The following PIK3CD variants were observed in gnomAD, a reference collection of about 807,000 sequenced individuals.
PIK3CD encodes phosphatidylinositol-4,5-bisphosphate 3-kinase catalytic subunit delta.
In PIK3CD, 20 loss-of-function variants were observed where a neutral mutation model predicts 122.9. The observed-to-expected ratio is 0.16, with a 90% CI of 0.11 to 0.24. PIK3CD has a LOEUF of 0.24. Ranked by LOEUF, PIK3CD falls within the 10% of genes least tolerant of loss-of-function variation. The pLI, the probability that PIK3CD is intolerant of heterozygous loss-of-function variation, is 1.00. For synonymous variants in PIK3CD, 596 were observed against 593.4 expected (o/e 1.00, Z -0.06); for missense variants, 787 against 1,406.3 (o/e 0.56, Z 7.04).
intron 1 of PIK3CD, among the ~76,000 whole-genome samples, chr1:9,686,521 T>C (rs1340024525): frequency 6.6e-6 from 1 of 151,860 alleles, no homozygotes; most frequent in Non-Finnish European, 1.5e-5. Context: ...CTGATTTTTC[T>C]TTTCTTTTTA....
intron 3 of PIK3CD, among the ~76,000 whole-genome samples, chr1:9,711,142 G>A (rs1647038233): frequency 6.6e-6 from 1 of 152,026 alleles, no homozygotes; most frequent in Admixed American, 6.6e-5. Context: ...CACCTAGGCT[G>A]GAGTGCAGTG....
rs557960472 is a variant in PIK3CD, at chr1:9,718,298, C to T, written c.1021-396C>T. The T allele has an allele frequency of 2.0e-5, 9 of 459,052 alleles. No homozygotes were observed. The highest frequency in any genetic ancestry group is 9.9e-5 in the African/African-American group (5 of 50,710). The allele number at this position is 459,052 out of a possible 1,614,324, so 28.4% of individuals were successfully genotyped here. On this transcript the variant is annotated intron_variant, in intron 8 of 23. Coordinates refer to ENST00000377346, the MANE Select transcript of PIK3CD (RefSeq NM_005026.5). The surrounding 1 kb of genome is among the most constrained non-coding windows in gnomAD (Gnocchi z 7.2). Reference sequence around the variant, plus strand: ...GGTGTCAGGTGGAATTGGAAGGGGCCGGACATCAGGTGGCAGGAAAAGTCC... The same window carrying T: ...GGTGTCAGGTGGAATTGGAAGGGGCTGGACATCAGGTGGCAGGAAAAGTCC...
the PIK3CD span, among the ~76,000 whole-genome samples, chr1:9,632,240 G>A: frequency 6.6e-5 from 10 of 152,180 alleles, no homozygotes; most frequent in Admixed American, 2.6e-4. Flanking sequence ...TCAAACTCCC[G>A]ACCTCAGGTG....
intron 2 of PIK3CD, among the ~76,000 whole-genome samples, chr1:9,695,479 A>G (rs1372578871): frequency 6.6e-6 from 1 of 152,206 alleles, no homozygotes; most frequent in African/African-American, 2.4e-5. Flanking sequence ...ACTAAATGTC[A>G]TCAGAGAAAA....
At chr1:9,682,130 C>A (rs1420764596) in intron 1 of PIK3CD, among the ~76,000 whole-genome samples, 3 of 152,130 alleles carry the variant, frequency 2.0e-5, no homozygotes, top group African/African-American at 7.2e-5. Context: ...GCCACGTTGG[C>A]CAGGCTGGTC....
chr1:9,720,729 C>T lies in PIK3CD; in HGVS notation c.1522-13C>T, dbSNP rs1197012157. On this transcript the variant is annotated splice_polypyrimidine_tract_variant and intron_variant, in intron 12 of 23. Transcript: ENST00000377346. This position sits in a 1 kb window ranked among gnomAD's most constrained non-coding sequence, Gnocchi z 9.0. ...GTGGAACCAGAGCCCTCACTCCTGC[C>T]CACACCCCTCAGCAGCTGCAGCTGC... 6.2e-7 allele frequency: 1 copy of T among 1,609,858 alleles called. No homozygotes were observed. The highest frequency in any genetic ancestry group is 8.5e-7 in the Non-Finnish European group (1 of 1,178,918).
rs753797854 is a variant in PIK3CD, at chr1:9,715,046, G to A, written c.142-495G>A. On this transcript the variant is annotated intron_variant, in intron 3 of 23. Coordinates refer to ENST00000377346, the MANE Select transcript of PIK3CD (RefSeq NM_005026.5). The surrounding 1 kb of genome is among the most constrained non-coding windows in gnomAD (Gnocchi z 4.1). The stretch of plus-strand genomic sequence containing the variant: ...AAAAAATTTAGCCAGGCATGGTGGT[G>A]CATGCCTATAATCCCAGCTACTCGG... Among the ~76,000 whole-genome samples the A allele has an allele frequency of 6.6e-6, 1 of 152,106 alleles. No individual in the cohort carries two copies. The highest frequency in any genetic ancestry group is 2.4e-5 in the African/African-American group (1 of 41,420).
intron 13 of PIK3CD, 57 bp from the exon 14 acceptor site, chr1:9,721,070 C>G: frequency 6.6e-7 from 1 of 1,512,742 alleles, no homozygotes; most frequent in Non-Finnish European, 9.1e-7. Flanking sequence ...CACCCTTACC[C>G]TGACCACCTC....
rs202145945 is a variant in PIK3CD, at chr1:9,715,822, G to A, written c.371-27G>A. The A allele has an allele frequency of 2.0e-4, 306 of 1,545,490 alleles. 2 individuals are homozygous for A. The East Asian group carries it at 5.5e-3, about 28-fold the overall frequency. On this transcript the variant is annotated intron_variant, in intron 4 of 23. Coordinates refer to ENST00000377346, the MANE Select transcript of PIK3CD (RefSeq NM_005026.5). This position sits in a 1 kb window ranked among gnomAD's most constrained non-coding sequence, Gnocchi z 4.1. The stretch of plus-strand genomic sequence containing the variant: ...CGGGCTGGCCCTGCCTGCCCCACCC[G>A]CTGACCCAGCCCTCCCCACCCCGCA...
Position 9,718,981 on chromosome 1 carries a change from C to T in PIK3CD, c.1242+66C>T. ...GAGCCAGTACAGCCCCTTGCTGGGCCACTCACCACTCTCCTCCCGGCAAGC... is the reference window on the plus strand; with the variant it reads ...GAGCCAGTACAGCCCCTTGCTGGGCTACTCACCACTCTCCTCCCGGCAAGC... On this transcript the variant is annotated intron_variant, in intron 9 of 23. Transcript: ENST00000377346. The surrounding 1 kb of genome is among the most constrained non-coding windows in gnomAD (Gnocchi z 7.2). 7.0e-7 allele frequency: 1 copy of T among 1,433,052 alleles called. No individual in the cohort carries two copies. Among genetic ancestry groups the T allele is most frequent in the Admixed American group, 1.8e-5 (1 of 57,110 alleles). 88.8% of individuals were successfully genotyped at this position (1,433,052 alleles called of 1,614,324 possible).
At position 9,715,624 on chromosome 1, in the gene PIK3CD, G is replaced by C; in HGVS notation, c.225G>C (p.Gln75His). The C allele has an allele frequency of 6.2e-7, 1 of 1,613,846 alleles. No individual in the cohort carries two copies. The highest frequency in any genetic ancestry group is 8.5e-7 in the Non-Finnish European group (1 of 1,180,042). ...PEAYVFTCIN[Q>H]TAEQQELEDE... is the part of the protein sequence containing the mutation. ...CCTATGTGTTCACCTGCATCAACCA[G>C]ACAGCGGAGCAGCAAGAGCTGGAGG... The change falls in exon 4 of 24, where the codon CAG (glutamine) becomes CAC (histidine). Residue 75 changes from glutamine (Q) to histidine (H), a missense_variant. Transcript: ENST00000377346. This position sits in a 1 kb window ranked among gnomAD's most constrained non-coding sequence, Gnocchi z 4.1.
At chr1:9,644,910 A>G in the PIK3CD span, among the ~76,000 whole-genome samples, 3 of 152,176 alleles carry the variant, frequency 2.0e-5, no homozygotes, top group Non-Finnish European at 4.4e-5. Flanking sequence ...TAGTCATTAA[A>G]GGGTGGGGCT....
In PIK3CD at chr1:9,718,036, A is replaced by G. The variant is rs568481067; in HGVS notation, c.1020+410A>G. Reference sequence around the variant, plus strand: ...GCCTGTGAGGGCTGCACCTGCCTCAACCTCTAGGGGCTGAGCCCACCTCCC... The same window carrying G: ...GCCTGTGAGGGCTGCACCTGCCTCAGCCTCTAGGGGCTGAGCCCACCTCCC... On this transcript the variant is annotated intron_variant, in intron 8 of 23. Transcript: ENST00000377346. This position sits in a 1 kb window ranked among gnomAD's most constrained non-coding sequence, Gnocchi z 7.2. 23 of 474,868 alleles carry G rather than the reference A, an allele frequency of 4.8e-5. No individual in the cohort carries two copies. Among genetic ancestry groups the G allele is most frequent in the African/African-American group, 1.2e-4 (6 of 51,114 alleles). 29.4% of individuals were successfully genotyped at this position (474,868 alleles called of 1,614,324 possible). A position where few individuals can be genotyped will look rare whatever the true frequency, so the allele number is the denominator to read the frequency against.
chr1:9,697,558 TAA>T lies in PIK3CD; in HGVS notation c.-33+6000_-33+6001del, dbSNP rs200511192. On this transcript the variant is annotated intron_variant, in intron 2 of 23. Coordinates refer to ENST00000377346, the MANE Select transcript of PIK3CD (RefSeq NM_005026.5). ...AACAAAATTGTATTTCATTATTATT[TAA>T]AAAAAAAAAAAAGTTTTTTTTTAAT... Among the ~76,000 whole-genome samples, 126 of 139,610 alleles carry T rather than the reference TAA, an allele frequency of 9.0e-4. 1 individual carries two copies. In the Middle Eastern group the frequency reaches 0.032, roughly 35 times the overall value. 91.6% of individuals were successfully genotyped at this position (139,610 alleles called of 152,430 possible). A position where few individuals can be genotyped will look rare whatever the true frequency, so the allele number is the denominator to read the frequency against.
intron 1 of PIK3CD, chr1:9,654,030 C>T (rs1644761087): frequency 7.9e-7 from 1 of 1,264,238 alleles, no homozygotes; most frequent in Non-Finnish European, 1.1e-6. Context: ...ATTACAGTGC[C>T]ACTGCGCTCC....
the PIK3CD span, among the ~76,000 whole-genome samples, chr1:9,643,165 T>C: frequency 6.6e-6 from 1 of 151,632 alleles, no homozygotes; most frequent in Non-Finnish European, 1.5e-5. Context: ...TCCCAGCACT[T>C]TGGGAGGCCA....
At position 9,722,764 on chromosome 1, in the gene PIK3CD, C is replaced by T. The variant is rs1034967891; in HGVS notation, c.2426+158C>T. Among the ~76,000 whole-genome samples, 1 of 152,044 alleles carries T rather than the reference C, an allele frequency of 6.6e-6. No individual in the cohort carries two copies. Among genetic ancestry groups the T allele is most frequent in the African/African-American group, 2.4e-5 (1 of 41,404 alleles). ...GGCGGTTTAACTCTAGGCCAGGAGG[C>T]GGCGGGCAGCAGGATGCGTGAAGGC... On this transcript the variant is annotated intron_variant, in intron 19 of 23. Transcript: ENST00000377346. The surrounding 1 kb of genome is among the most constrained non-coding windows in gnomAD (Gnocchi z 7.6).
At chr1:9,639,966 T>C in the PIK3CD span, among the ~76,000 whole-genome samples, 1 of 152,040 alleles carries the variant, frequency 6.6e-6, no homozygotes, top group Non-Finnish European at 1.5e-5. Context: ...AGTCTTGAAC[T>C]CCTCAGTGTA....
At position 9,718,399 on chromosome 1, in the gene PIK3CD, G is replaced by A. The variant is rs1349857415; in HGVS notation, c.1021-295G>A. On this transcript the variant is annotated intron_variant, in intron 8 of 23. Transcript: ENST00000377346. The surrounding 1 kb of genome is among the most constrained non-coding windows in gnomAD (Gnocchi z 7.2). ...GGATGTTAGAGCAAGGGTCCCTGAA[G>A]TTCTTGATCCCTGATGGGGAAACTG... is the stretch of plus-strand genomic sequence containing the variant. Among the ~76,000 whole-genome samples, 1 of 152,088 alleles carries A rather than the reference G, an allele frequency of 6.6e-6. No homozygotes were observed. Among genetic ancestry groups the A allele is most frequent in the Non-Finnish European group, 1.5e-5 (1 of 68,006 alleles).
Sources: gnomAD v4.1 joint callset for allele counts (sites outside exome capture counted in the v4.1 genomes callset) on GRCh38, gnomAD v4.1.1 for gene constraint, Gnocchi (gnomAD v3.1) non-coding constraint, MANE v1.5 for transcripts, NCBI Gene and HGNC (gene_info 2026-07-23, HGNC 2026-07-21) for gene names.